LRIG1: variants seen among roughly 807,000 people sequenced by gnomAD.
The protein encoded by LRIG1 is leucine rich repeats and immunoglobulin like domains 1, also known as leucine-rich repeats and immunoglobulin-like domains protein 1.
A neutral mutation model predicts 99.2 loss-of-function variants in LRIG1; 48 were observed. The ratio of observed to expected loss-of-function variants is 0.48; its 90% CI spans 0.38 to 0.62. The LOEUF (loss-of-function observed/expected upper bound fraction) is 0.62. LRIG1 is among the 20% of genes least tolerant of loss of function. LRIG1 has a pLI of 0.00. For synonymous variants in LRIG1, 772 were observed against 596.1 expected (o/e 1.29, Z -4.30); for missense variants, 1,646 against 1,434.4 (o/e 1.15, Z -2.38).
intron 1 of LRIG1, among the ~76,000 whole-genome samples, chr3:66,495,121 C>G (rs946986286): frequency 6.6e-6 from 1 of 152,144 alleles, no homozygotes; most frequent in Non-Finnish European, 1.5e-5. Flanking sequence ...AACTGACATA[C>G]AAGAACTGAA....
chr3:66,428,461 AG>A (rs1269135351), intron 3 of LRIG1, among the ~76,000 whole-genome samples: 1 of 152,100 alleles, frequency 6.6e-6, no homozygotes, highest in African/African-American at 2.4e-5. Context: ...AAAATAAGTG[AG>A]GGCCTAATGA....
chr3:66,467,440 A>G (rs1267175644), intron 1 of LRIG1, among the ~76,000 whole-genome samples: 1 of 150,278 alleles, frequency 6.7e-6, no homozygotes, highest in Non-Finnish European at 1.5e-5. Context: ...GCTCACTACA[A>G]GCTCCGTCTC....
At chr3:66,404,725 C>A (rs529470423) in intron 9 of LRIG1, among the ~76,000 whole-genome samples, 1 of 152,262 alleles carries the variant, frequency 6.6e-6, no homozygotes, top group African/African-American at 2.4e-5. Context: ...GACCCCAAAC[C>A]ATACATTCAA....
chr3:66,401,546 T>A, intron 9 of LRIG1: 1 of 1,157,702 alleles, frequency 8.6e-7, no homozygotes, highest in Non-Finnish European at 1.2e-6. Context: ...ATAAAATAAA[T>A]TCTCAAATTC....
intron 16 of LRIG1, 148 bp downstream of exon 16, chr3:66,382,125 T>G: frequency 1.2e-6 from 1 of 868,182 alleles, no homozygotes; most frequent in Non-Finnish European, 1.8e-6. Context: ...GGGTCCAAAA[T>G]AGCAGCCCTT....
intron 3 of LRIG1, among the ~76,000 whole-genome samples, chr3:66,431,055 G>T (rs1024899793): frequency 1.3e-5 from 2 of 151,838 alleles, no homozygotes; most frequent in Non-Finnish European, 2.9e-5. Context: ...CACCCTGAAA[G>T]TTGGCAGAGC....
intron 3 of LRIG1, among the ~76,000 whole-genome samples, chr3:66,419,237 G>T (rs1405532568): frequency 6.6e-6 from 1 of 152,140 alleles, no homozygotes; most frequent in Non-Finnish European, 1.5e-5. Flanking sequence ...TCTCTCCCAC[G>T]CCAGTTCTGT....
chr3:66,379,510 G>A lies in LRIG1; in HGVS notation c.*753C>T, dbSNP rs1700905683. The stretch of plus-strand genomic sequence containing the variant: ...TGCTTTTATCATAAAATAAGAGGAG[G>A]AGGAAAGGCAGTGTTTAACTGTTCT... On this transcript the variant is annotated 3_prime_UTR_variant, in exon 19 of 19. Coordinates refer to ENST00000273261, the MANE Select transcript of LRIG1 (RefSeq NM_015541.3). 1 of 152,180 alleles carries A rather than the reference G, an allele frequency of 6.6e-6. No individual in the cohort carries two copies. Among genetic ancestry groups the A allele is most frequent in the South Asian group, 2.1e-4 (1 of 4,824 alleles). The allele number at this position is 152,180 out of a possible 1,614,324, so 9.4% of individuals were successfully genotyped here. A position where few individuals can be genotyped will look rare whatever the true frequency, so the allele number is the denominator to read the frequency against.
At chr3:66,485,660 G>A (rs868348789) in intron 1 of LRIG1, among the ~76,000 whole-genome samples, 9 of 152,022 alleles carry the variant, frequency 5.9e-5, no homozygotes, top group Non-Finnish European at 1.2e-4. Context: ...TATAATATTC[G>A]CAGTTGCTCC....
intron 11 of LRIG1, 67 bp from the exon 12 acceptor site, chr3:66,394,270 A>C: frequency 7.3e-7 from 1 of 1,374,048 alleles, no homozygotes; most frequent in Non-Finnish European, 9.8e-7. Flanking sequence ...CTTCACACAC[A>C]CAATGATCAG....
chr3:66,471,379 T>C (rs79769494), intron 1 of LRIG1, among the ~76,000 whole-genome samples: 1 of 24,134 alleles, frequency 4.1e-5, no homozygotes, highest in South Asian at 0.033. Flanking sequence ...ATAGCCCCCC[T>C]ATCCTCACCC....
chr3:66,390,318 C>G (rs1165188814), intron 12 of LRIG1, among the ~76,000 whole-genome samples: 1 of 152,058 alleles, frequency 6.6e-6, no homozygotes, highest in Admixed American at 6.5e-5. Context: ...TGTATACTTG[C>G]AATAAATATT....
intron 12 of LRIG1, among the ~76,000 whole-genome samples, 159 bp downstream of exon 12, chr3:66,393,879 CTG>C (rs1420908311): frequency 6.6e-6 from 1 of 152,214 alleles, no homozygotes; most frequent in African/African-American, 2.4e-5. Context: ...ACGGTAAATA[CTG>C]TGTGTGGTTT....
chr3:66,473,836 T>C (rs770252900), intron 1 of LRIG1, among the ~76,000 whole-genome samples: 3 of 152,228 alleles, frequency 2.0e-5, no homozygotes, highest in Non-Finnish European at 4.4e-5. Context: ...GCTTATCGAC[T>C]TGGGATCTCG....
chr3:66,407,385 C>T lies in LRIG1; in HGVS notation c.1042G>A (p.Glu348Lys), dbSNP rs775562425. ...LSHNSISHIA[E>K]GAFKGLRSLR... ...CTCCTGAGTCCCTTGAAGGCACCCT[C>T]CGCAATGTGGCTGATGGAATTGTGG... The change falls in exon 8 of 19, where the codon GAG becomes AAG. Residue 348 changes from glutamate to lysine, a missense_variant. By Grantham distance (56) the Glu-to-Lys change is moderately conservative. Coordinates refer to ENST00000273261, the MANE Select transcript of LRIG1 (RefSeq NM_015541.3). 6.2e-7 allele frequency: 1 copy of T among 1,614,022 alleles called. No homozygotes were observed. The highest frequency in any genetic ancestry group is 1.3e-5 in the African/African-American group (1 of 74,930).
Position 66,398,982 on chromosome 3 carries a change from C to A in LRIG1, c.1220G>T (p.Gly407Val), listed in dbSNP as rs910297614. The A allele has an allele frequency of 1.2e-6, 2 of 1,614,050 alleles. No homozygotes were observed. Among genetic ancestry groups the A allele is most frequent in the Non-Finnish European group, 1.7e-6 (2 of 1,180,024 alleles). Reference protein sequence around the residue: ...VAKRAFSGLEGLEHLNLGGNA... With the variant: ...VAKRAFSGLEVLEHLNLGGNA... Reference sequence around the variant, plus strand: ...GTGAGATACTCACAGGTGCTCCAGGCCTTCCAGCCCCGAGAATGCTCTCTT... The same window carrying A: ...GTGAGATACTCACAGGTGCTCCAGGACTTCCAGCCCCGAGAATGCTCTCTT... The change falls in exon 10 of 19, where the codon GGC becomes GTC. Residue 407 changes from glycine (G) to valine (V), a missense_variant. Physicochemically the swap from Gly to Val is moderately radical, Grantham distance 109 (BLOSUM62 -3). Coordinates refer to ENST00000273261, the MANE Select transcript of LRIG1 (RefSeq NM_015541.3).
In LRIG1 at chr3:66,379,725, C is replaced by T. The variant is rs941833260; in HGVS notation, c.*538G>A. The T allele has an allele frequency of 6.5e-6, 1 of 153,022 alleles. No homozygotes were observed. The highest frequency in any genetic ancestry group is 1.5e-5 in the Non-Finnish European group (1 of 68,652). 9.5% of individuals were successfully genotyped at this position (153,022 alleles called of 1,614,324 possible). A position where few individuals can be genotyped will look rare whatever the true frequency, so the allele number is the denominator to read the frequency against. ...CAGGGGCATCCACACATGAGCAGTGCTCACCTGAAGCTCCTTCCGGCGCAT... is the reference window on the plus strand; with the variant it reads ...CAGGGGCATCCACACATGAGCAGTGTTCACCTGAAGCTCCTTCCGGCGCAT... On this transcript the variant is annotated 3_prime_UTR_variant, in exon 19 of 19. Transcript: ENST00000273261.
At position 66,384,128 on chromosome 3, in the gene LRIG1, T is replaced by C. The variant is rs559429126; in HGVS notation, c.1934A>G (p.Glu645Gly). The C allele has an allele frequency of 1.1e-5, 17 of 1,614,070 alleles. No individual in the cohort carries two copies. The highest frequency in any genetic ancestry group is 1.4e-5 in the Non-Finnish European group (17 of 1,180,042). The change falls in exon 14 of 19, where the codon GAG becomes GGG. Residue 645 changes from glutamate to glycine, a missense_variant. Physicochemically the swap from Glu to Gly is moderately conservative, Grantham distance 98. Transcript: ENST00000273261. The stretch of plus-strand genomic sequence containing the variant: ...ATCCGGCATGACATGCATGCGTCGC[T>C]CACGGGCAGCGGGGAAATCCGTGCC... ...DGGTDFPAAR[E>G]RRMHVMPDDD...
In LRIG1 at chr3:66,500,226, G is replaced by A. The variant is rs1211592042; in HGVS notation, c.182C>T (p.Ala61Val). ...SLDCGGRGLA[A>V]LPGDLPSWTR... ...CCAGGAGGGCAGGTCCCCGGGCAAC[G>A]CAGCCAGCCCGCGCCCACCGCAGTC... Residue 61 changes from alanine (A) to valine (V), a missense_variant, in exon 1 of 19, where the codon GCG becomes GTG. Physicochemically the swap from Ala to Val is moderately conservative, Grantham distance 64 (BLOSUM62 0). Transcript: ENST00000273261. 10 of 1,511,762 alleles carry A rather than the reference G, an allele frequency of 6.6e-6. No homozygotes were observed. The highest frequency in any genetic ancestry group is 7.9e-6 in the Non-Finnish European group (9 of 1,136,882). 93.6% of individuals were successfully genotyped at this position (1,511,762 alleles called of 1,614,324 possible).
Sources: allele counts gnomAD v4.1 joint callset (sites outside exome capture counted in the v4.1 genomes callset), GRCh38; gene constraint gnomAD v4.1.1; transcripts MANE v1.5; gene names NCBI Gene and HGNC (gene_info 2026-07-23, HGNC 2026-07-21).